The following ASIC2 variants were observed in gnomAD, a reference collection of about 807,000 sequenced individuals.
The protein encoded by ASIC2 is acid-sensing ion channel 2.
ASIC2 carries 25 observed loss-of-function variants against 57.3 expected under a neutral mutation model. That is an observed-to-expected ratio of 0.44 (90% CI 0.32 to 0.61). The LOEUF (loss-of-function observed/expected upper bound fraction) is 0.61, where lower values mean the gene tolerates loss of function less well. Among genes scored for constraint, ASIC2 ranks in the 20% least tolerant of loss-of-function variants. The probability of loss-of-function intolerance (pLI) is 0.06; values close to 1 mark genes in which losing one functional copy is unlikely to be tolerated. For missense variants in ASIC2, 641 were observed against 738.1 expected (o/e 0.87, Z 1.52); for synonymous variants, 319 against 307.5 (o/e 1.04, Z -0.39).
intron 1 of ASIC2, among the ~76,000 whole-genome samples, chr17:33,150,287 G>T (rs1285816833): frequency 6.6e-6 from 1 of 152,156 alleles, no homozygotes; most frequent in African/African-American, 2.4e-5. Context: ...CATGACACCA[G>T]ATTCCCTCCC....
intron 1 of ASIC2, among the ~76,000 whole-genome samples, chr17:34,133,219 T>G (rs1912042536): frequency 6.6e-6 from 1 of 152,202 alleles, no homozygotes; most frequent in Non-Finnish European, 1.5e-5. Context: ...TGAAAGGGTA[T>G]GAACTCAGAT....
At chr17:34,004,821 C>T (rs1906469541) in intron 1 of ASIC2, 1 of 148,196 alleles carries the variant, frequency 6.7e-6, no homozygotes, top group Admixed American at 6.7e-5. Context: ...TGCATTTCTG[C>T]ACACAAGAAA....
intron 1 of ASIC2, among the ~76,000 whole-genome samples, chr17:33,232,583 T>C (rs1908148929): frequency 6.6e-6 from 1 of 152,186 alleles, no homozygotes; most frequent in South Asian, 2.1e-4. Context: ...TTGTTTTGTA[T>C]TTGTGCTTTA....
intron 1 of ASIC2, among the ~76,000 whole-genome samples, chr17:33,352,742 T>G (rs1419478550): frequency 6.6e-6 from 1 of 152,174 alleles, no homozygotes; most frequent in East Asian, 1.9e-4. Flanking sequence ...GCAAGGTGCA[T>G]GCACCTCAAC....
At chr17:33,178,787 C>T (rs548988220) in intron 1 of ASIC2, among the ~76,000 whole-genome samples, 3 of 152,190 alleles carry the variant, frequency 2.0e-5, no homozygotes, top group African/African-American at 4.8e-5. Flanking sequence ...GCAGGGGAAG[C>T]TCTGTGTGTG....
chr17:33,974,097 G>A (rs188572400), intron 1 of ASIC2, among the ~76,000 whole-genome samples: 3 of 152,062 alleles, frequency 2.0e-5, no homozygotes, highest in Admixed American at 2.0e-4. Flanking sequence ...GAAATGGGAC[G>A]ATTCTGTGAG....
At position 33,776,787 on chromosome 17, in the gene ASIC2, G is replaced by A. The variant is rs1040794558; in HGVS notation, c.555+379191C>T. ...TAGGCAGAGCACCTAGCTGGGCTTC[G>A]GGCTTCGTGATAGAATTTGAGTTTT... On this transcript the variant is annotated intron_variant, in intron 1 of 9. Coordinates refer to the ASIC2 transcript ENST00000359872. Among the ~76,000 whole-genome samples, 50 of 152,118 alleles carry A rather than the reference G, an allele frequency of 3.3e-4. 1 individual carries two copies. Among genetic ancestry groups the A allele is most frequent in the Non-Finnish European group, 1.9e-4 (13 of 68,034 alleles).
At chr17:33,284,651 C>A (rs929773797) in intron 1 of ASIC2, among the ~76,000 whole-genome samples, 1 of 152,084 alleles carries the variant, frequency 6.6e-6, no homozygotes, top group African/African-American at 2.4e-5. Flanking sequence ...CAGAATGGAG[C>A]CATAGGAAAG....
chr17:33,131,371 T>G (rs559387655), intron 1 of ASIC2, among the ~76,000 whole-genome samples: 10 of 152,264 alleles, frequency 6.6e-5, no homozygotes, highest in African/African-American at 2.2e-4. Context: ...ATCCCTCCCC[T>G]CTCTCATAAA....
intron 1 of ASIC2, among the ~76,000 whole-genome samples, chr17:33,457,321 C>A (rs1912485263): frequency 1.3e-5 from 2 of 150,768 alleles, no homozygotes; most frequent in Non-Finnish European, 2.9e-5. Context: ...AGAAGTTAAG[C>A]ATTCATCAAA....
intron 1 of ASIC2, among the ~76,000 whole-genome samples, chr17:33,958,218 G>C (rs778612762): frequency 6.6e-6 from 1 of 152,174 alleles, no homozygotes; most frequent in Admixed American, 6.5e-5. Context: ...TTTTCCAGGT[G>C]CACGATGCAA....
At chr17:34,024,443 G>A (rs1567791776) in intron 1 of ASIC2, among the ~76,000 whole-genome samples, 3 of 152,186 alleles carry the variant, frequency 2.0e-5, no homozygotes, top group Admixed American at 6.5e-5. Flanking sequence ...TGCACTGGGC[G>A]GTGGCCCCAG....
At position 34,147,883 on chromosome 17, in the gene ASIC2, A is replaced by G. The variant is rs377218067; in HGVS notation, c.555+8095T>C. On this transcript the variant is annotated intron_variant, in intron 1 of 9. Transcript: ENST00000359872. ...GGCACTTTGACATATGGGCTGCTCT[A>G]TGGAGCACCACCTCTAATGGCAAAC... Among the ~76,000 whole-genome samples, 4 of 152,312 alleles carry G rather than the reference A, an allele frequency of 2.6e-5. No homozygotes were observed. In the East Asian group the frequency reaches 5.8e-4, roughly 22 times the overall value.
chr17:33,637,489 G>A (rs1271549735), intron 1 of ASIC2, among the ~76,000 whole-genome samples: 1 of 152,190 alleles, frequency 6.6e-6, no homozygotes, highest in Admixed American at 6.5e-5. Context: ...TTTTGTTGGG[G>A]ATGAATGGGA....
At chr17:33,740,410 A>G (rs1285799856) in intron 1 of ASIC2, among the ~76,000 whole-genome samples, 1 of 152,256 alleles carries the variant, frequency 6.6e-6, no homozygotes, top group African/African-American at 2.4e-5. Flanking sequence ...TTCATATGGC[A>G]GCAGGAAGAA....
intron 1 of ASIC2, among the ~76,000 whole-genome samples, chr17:33,394,581 G>A (rs2141954676): frequency 6.6e-6 from 1 of 152,316 alleles, no homozygotes; most frequent in African/African-American, 2.4e-5. Context: ...AAGAGGTTCA[G>A]AGACTAGAGC....
intron 1 of ASIC2, among the ~76,000 whole-genome samples, chr17:33,183,685 C>T (rs1484604205): frequency 1.3e-5 from 2 of 152,330 alleles, no homozygotes; most frequent in Non-Finnish European, 2.9e-5. Flanking sequence ...ATTCATGATG[C>T]ATTTATTGTA....
rs531426113 is a variant in ASIC2 at position 33,242,368 on chromosome 17, T to C, written c.708+49040A>G. ...CTTCAATGAATCAGAAAGTCTTCCA[T>C]GATCTTTCAGAAATTTAGGAAAATC... On this transcript the variant is annotated intron_variant, in intron 1 of 9. Transcript: ENST00000225823. 3.9e-5 allele frequency among the ~76,000 whole-genome samples: 6 copies of C among 152,106 alleles called. 1 individual carries two copies. Among genetic ancestry groups the C allele is most frequent in the African/African-American group, 1.4e-4 (6 of 41,482 alleles).
At chr17:33,092,803 G>A (rs1567741987) in intron 2 of ASIC2, among the ~76,000 whole-genome samples, 1 of 152,208 alleles carries the variant, frequency 6.6e-6, no homozygotes, top group Non-Finnish European at 1.5e-5. Flanking sequence ...TGAGGGCATG[G>A]GATATCTTTT....
Sources: allele counts gnomAD v4.1 joint callset (sites outside exome capture counted in the v4.1 genomes callset), GRCh38; gene constraint gnomAD v4.1.1; transcripts MANE v1.5; gene names NCBI Gene and HGNC (gene_info 2026-07-23, HGNC 2026-07-21).